Variants in TBC1D5 observed in about 807,000 individuals in gnomAD.
TBC1D5 encodes TBC1 domain family, member 5.
Under a neutral mutation model 100.3 loss-of-function variants are expected in TBC1D5, and 75 were observed. The observed-to-expected ratio is 0.75, with a 90% CI of 0.62 to 0.91. TBC1D5 has a LOEUF of 0.91. Ranked by LOEUF, TBC1D5 falls within the 40% of genes least tolerant of loss-of-function variation. The probability of loss-of-function intolerance (pLI) is 0.00; values close to 1 mark genes in which losing one functional copy is unlikely to be tolerated. For synonymous variants in TBC1D5, 323 were observed against 325.6 expected, an observed-to-expected ratio of 0.99 and a Z score of 0.09; for missense variants, 910 against 942.4, an observed-to-expected ratio of 0.97 and a Z score of 0.45.
At chr3:17,682,517 C>T (rs1432440695) in intron 1 of TBC1D5, among the ~76,000 whole-genome samples, 1 of 151,360 alleles carries the variant, frequency 6.6e-6, no homozygotes, top group Non-Finnish European at 1.5e-5. Context: ...TTAGTTTAAT[C>T]ATAAAGAAAA....
At chr3:17,194,875 C>T (rs901861116) in intron 18 of TBC1D5, among the ~76,000 whole-genome samples, 8 of 152,076 alleles carry the variant, frequency 5.3e-5, no homozygotes, top group African/African-American at 1.2e-4. Flanking sequence ...AAGACAAGAA[C>T]GGTGCCAGAA....
At chr3:17,165,814 G>A (rs1196523588) in intron 21 of TBC1D5, among the ~76,000 whole-genome samples, 2 of 152,030 alleles carry the variant, frequency 1.3e-5, no homozygotes, top group Non-Finnish European at 2.9e-5. Flanking sequence ...CAATCTTTTC[G>A]TCTTATCGGA....
At chr3:17,432,424 A>G in intron 3 of TBC1D5, among the ~76,000 whole-genome samples, 1 of 152,246 alleles carries the variant, frequency 6.6e-6, no homozygotes. Context: ...ATAATGACTC[A>G]GCATTATCCA....
At chr3:17,438,189 A>C (rs1575941762) in intron 3 of TBC1D5, among the ~76,000 whole-genome samples, 1 of 152,214 alleles carries the variant, frequency 6.6e-6, no homozygotes, top group Non-Finnish European at 1.5e-5. Context: ...GACAATTACA[A>C]AACACATTTC....
intron 3 of TBC1D5, among the ~76,000 whole-genome samples, chr3:17,429,342 A>G (rs2094405466): frequency 6.6e-6 from 1 of 151,954 alleles, no homozygotes; most frequent in African/African-American, 2.4e-5. Context: ...TTTTAAATAT[A>G]TACTTCAAAG....
At chr3:17,322,066 T>C (rs914467111) in intron 13 of TBC1D5, among the ~76,000 whole-genome samples, 8 of 152,206 alleles carry the variant, frequency 5.3e-5, no homozygotes, top group Middle Eastern at 3.2e-3. Flanking sequence ...GCTGTTATGT[T>C]ATACAAATTC....
intron 2 of TBC1D5, among the ~76,000 whole-genome samples, chr3:17,597,512 T>C (rs2060645991): frequency 6.6e-6 from 1 of 152,202 alleles, no homozygotes; most frequent in Non-Finnish European, 1.5e-5. Context: ...TTAAAAGGAA[T>C]TGTAACTATG....
intron 2 of TBC1D5, among the ~76,000 whole-genome samples, chr3:17,614,577 T>C (rs1010542986): frequency 3.3e-5 from 5 of 152,228 alleles, no homozygotes; most frequent in Non-Finnish European, 7.3e-5. Context: ...CAGTGGTTTG[T>C]AGTTCTCCTT....
At chr3:17,702,583 A>G (rs561440989) in intron 1 of TBC1D5, among the ~76,000 whole-genome samples, 1 of 152,320 alleles carries the variant, frequency 6.6e-6, no homozygotes, top group East Asian at 1.9e-4. Context: ...GCTGCTTCTT[A>G]GCAGCATTCC....
chr3:17,322,138 A>G (rs531523624), intron 13 of TBC1D5, among the ~76,000 whole-genome samples: 38 of 152,352 alleles, frequency 2.5e-4, no homozygotes, highest in African/African-American at 8.7e-4. Flanking sequence ...TGTGAATTGT[A>G]AACTTCTTAA....
chr3:17,527,120 G>T (rs371641448), intron 2 of TBC1D5, among the ~76,000 whole-genome samples: 1 of 152,138 alleles, frequency 6.6e-6, no homozygotes, highest in African/African-American at 2.4e-5. Flanking sequence ...TAAAGAGTTC[G>T]CATATCAAGT....
intron 13 of TBC1D5, among the ~76,000 whole-genome samples, chr3:17,348,718 G>A (rs2090209476): frequency 6.6e-6 from 1 of 152,128 alleles, no homozygotes; most frequent in African/African-American, 2.4e-5. Flanking sequence ...CCGTTGTGGA[G>A]TATATGACCC....
chr3:17,393,222 ATTTG>A (rs927946814), intron 8 of TBC1D5, among the ~76,000 whole-genome samples: 1 of 151,868 alleles, frequency 6.6e-6, no homozygotes, highest in Admixed American at 6.6e-5. Flanking sequence ...TTTCTTGTAA[ATTTG>A]TTTAAGTTCT....
At chr3:17,489,161 G>C (rs1430164477) in intron 3 of TBC1D5, among the ~76,000 whole-genome samples, 1 of 151,686 alleles carries the variant, frequency 6.6e-6, no homozygotes, top group Non-Finnish European at 1.5e-5. Flanking sequence ...TCAAATAAGG[G>C]TCAAACAAGA....
At chr3:17,571,866 G>A (rs1176042396) in intron 2 of TBC1D5, among the ~76,000 whole-genome samples, 1 of 152,018 alleles carries the variant, frequency 6.6e-6, no homozygotes, top group Non-Finnish European at 1.5e-5. Flanking sequence ...CACACTTTCA[G>A]GATTCACTGT....
chr3:17,463,289 C>T (rs1396913443), intron 3 of TBC1D5, among the ~76,000 whole-genome samples: 1 of 152,136 alleles, frequency 6.6e-6, no homozygotes, highest in Non-Finnish European at 1.5e-5. Context: ...GACTAGGTGT[C>T]AAAAGCCAGC....
At chr3:17,549,860 G>A (rs1239055413) in intron 2 of TBC1D5, among the ~76,000 whole-genome samples, 1 of 151,872 alleles carries the variant, frequency 6.6e-6, no homozygotes, top group Non-Finnish European at 1.5e-5. Flanking sequence ...AACCCAGGGG[G>A]CGGAGGTTGC....
chr3:17,376,244 A>C (rs2092703210), intron 10 of TBC1D5, among the ~76,000 whole-genome samples: 1 of 152,136 alleles, frequency 6.6e-6, no homozygotes, highest in Non-Finnish European at 1.5e-5. Flanking sequence ...TTTTGTGATT[A>C]CAACAAAAAT....
intron 2 of TBC1D5, among the ~76,000 whole-genome samples, chr3:17,617,206 T>C (rs965343146): frequency 2.0e-5 from 3 of 152,204 alleles, no homozygotes; most frequent in South Asian, 2.1e-4. Flanking sequence ...TGTTGAATAT[T>C]GGCTCCCACT....
Sources: gnomAD v4.1 joint callset for allele counts (sites outside exome capture counted in the v4.1 genomes callset) on GRCh38, gnomAD v4.1.1 for gene constraint, MANE v1.5 for transcripts, NCBI Gene and HGNC (gene_info 2026-07-23, HGNC 2026-07-21) for gene names.